The following SRPK2 variants were observed in gnomAD, a reference collection of about 807,000 sequenced individuals.
SRPK2 encodes SFRS protein kinase 2.
In SRPK2, 21 loss-of-function variants were observed where a neutral mutation model predicts 90.8. That is an observed-to-expected ratio of 0.23 (90% CI 0.16 to 0.33). The LOEUF (loss-of-function observed/expected upper bound fraction) is 0.33. SRPK2 is among the 10% of genes least tolerant of loss of function. SRPK2 has a pLI of 1.00. For synonymous variants in SRPK2, 288 were observed against 311.1 expected, an observed-to-expected ratio of 0.93 and a Z score of 0.78; for missense variants, 620 against 869.0, an observed-to-expected ratio of 0.71 and a Z score of 3.60.
At chr7:105,383,807 C>G (rs1023535960) in intron 2 of SRPK2, among the ~76,000 whole-genome samples, 2 of 152,172 alleles carry the variant, frequency 1.3e-5, no homozygotes, top group Non-Finnish European at 2.9e-5. Flanking sequence ...GAATTAAGTA[C>G]TAATACGTGC....
intron 2 of SRPK2, among the ~76,000 whole-genome samples, chr7:105,247,014 T>C (rs968251742): frequency 1.4e-4 from 21 of 152,312 alleles, no homozygotes; most frequent in Admixed American, 1.2e-3. Flanking sequence ...GGAGTGGGCC[T>C]GTGCCTCCTA....
intron 2 of SRPK2, among the ~76,000 whole-genome samples, chr7:105,378,406 G>A (rs551478063): frequency 2.0e-5 from 3 of 151,880 alleles, no homozygotes; most frequent in Non-Finnish European, 4.4e-5. Flanking sequence ...TTTTTAAAGG[G>A]TAGGGGGCAA....
chr7:105,140,418 T>A (rs748707993), intron 11 of SRPK2, among the ~76,000 whole-genome samples: 1 of 151,748 alleles, frequency 6.6e-6, no homozygotes, highest in Non-Finnish European at 1.5e-5. Flanking sequence ...CTGGCCAACA[T>A]GGTGAAGCTC....
At chr7:105,116,344 A>G (rs909138142), downstream of SRPK2, 1 of 152,440 alleles carries the variant, frequency 6.6e-6, no homozygotes, top group African/African-American at 2.4e-5. Flanking sequence ...CATTGATTCT[A>G]TCATTTATAG....
chr7:105,294,417 A>G (rs182000348), intron 2 of SRPK2, among the ~76,000 whole-genome samples: 1 of 152,352 alleles, frequency 6.6e-6, no homozygotes, highest in East Asian at 1.9e-4. Flanking sequence ...AAAAATTCAC[A>G]GTAACTGTTT....
rs186056284 is a variant in SRPK2 at position 105,271,207 on chromosome 7, A to G, written c.72-67422T>C. ...AGTTCACACTTCAGTATACGTACGT[A>G]TATCAATGCACTTAAGATGAAAAAG... On this transcript the variant is annotated intron_variant, in intron 2 of 15. Transcript: ENST00000393651. Among the ~76,000 whole-genome samples, 230 of 152,344 alleles carry G rather than the reference A, an allele frequency of 1.5e-3. 1 individual carries two copies. The highest frequency in any genetic ancestry group is 5.0e-3 in the African/African-American group (208 of 41,578).
rs138846737 is a variant in SRPK2 at position 105,341,183 on chromosome 7, G to A, written c.71+47465C>T. On this transcript the variant is annotated intron_variant, in intron 2 of 15. Transcript: ENST00000393651. ...GTTCGAGACCAGCCTGACCAACATGGTGAAACCCCATCTCTACTAAAAACA... is the reference window on the plus strand; with the variant it reads ...GTTCGAGACCAGCCTGACCAACATGATGAAACCCCATCTCTACTAAAAACA... 2.3e-3 allele frequency among the ~76,000 whole-genome samples: 345 copies of A among 151,722 alleles called. 1 individual carries two copies. Among genetic ancestry groups the A allele is most frequent in the African/African-American group, 8.0e-3 (332 of 41,338 alleles).
At chr7:105,389,012 C>A, upstream of SRPK2, 1 of 991,352 alleles carries the variant, frequency 1.0e-6, no homozygotes, top group Non-Finnish European at 1.2e-6. Flanking sequence ...CCCGCCGGCC[C>A]CGGGGGTCGG....
chr7:105,387,619 C>T (rs982288566), intron 2 of SRPK2, among the ~76,000 whole-genome samples: 2 of 151,932 alleles, frequency 1.3e-5, no homozygotes, highest in African/African-American at 4.8e-5. Context: ...CGACGTACCC[C>T]TCAAAGGAAA....
In SRPK2 at chr7:105,142,208, T is replaced by C. The variant is rs749128807; in HGVS notation, c.1343A>G (p.Glu448Gly). The C allele has an allele frequency of 3.1e-6, 5 of 1,614,092 alleles. No individual in the cohort carries two copies. In the East Asian group the frequency reaches 6.7e-5, roughly 22 times the overall value. The change falls in exon 11 of 16, where the codon GAA becomes GGA. Residue 448 changes from glutamate (E) to glycine (G), a missense_variant. Glu to Gly is a moderately conservative substitution (Grantham distance 98, BLOSUM62 -2). Transcript: ENST00000393651. ...AATTTTATGTCGTCCATTTGGCAAT[T>C]CACCATTGAATTGTTCATAGGAGCT... Reference protein sequence around the residue: ...YSSSYEQFNGELPNGRHKIPE... With the variant: ...YSSSYEQFNGGLPNGRHKIPE...
chr7:105,147,568 C>T (rs904795304), intron 7 of SRPK2, among the ~76,000 whole-genome samples: 5 of 152,118 alleles, frequency 3.3e-5, no homozygotes, highest in African/African-American at 1.2e-4. Flanking sequence ...CCACCTGTCT[C>T]GACCTCCCAA....
At chr7:105,388,144 G>A (rs909780882) in intron 2 of SRPK2, among the ~76,000 whole-genome samples, 1 of 152,164 alleles carries the variant, frequency 6.6e-6, no homozygotes, top group Non-Finnish European at 1.5e-5. Flanking sequence ...AGGCCGACAG[G>A]CGGGGGCCGG....
intron 15 of SRPK2, 26 bp downstream of exon 15, chr7:105,126,222 C>T (rs776203486): frequency 7.1e-6 from 11 of 1,547,126 alleles, no homozygotes; most frequent in East Asian, 6.7e-5. Flanking sequence ...TGCATCGTGG[C>T]GCTTTTCAAA....
At chr7:105,323,017 G>A (rs1025300668) in intron 2 of SRPK2, among the ~76,000 whole-genome samples, 1 of 152,076 alleles carries the variant, frequency 6.6e-6, no homozygotes, top group African/African-American at 2.4e-5. Flanking sequence ...TGGCCAACAT[G>A]GTGAAATCCT....
chr7:105,288,994 C>A (rs373852719), intron 2 of SRPK2, among the ~76,000 whole-genome samples: 1 of 151,638 alleles, frequency 6.6e-6, no homozygotes, highest in African/African-American at 2.4e-5. Flanking sequence ...CGGAGGCTCA[C>A]GCCTGTAATC....
chr7:105,159,473 A>AC (rs1807209517), intron 7 of SRPK2, among the ~76,000 whole-genome samples: 1 of 139,420 alleles, frequency 7.2e-6, no homozygotes, highest in Non-Finnish European at 1.6e-5. Context: ...AAAAAAAAAA[A>AC]CCGTACAAAA....
chr7:105,306,518 T>G (rs1336871530), intron 2 of SRPK2: 3 of 453,206 alleles, frequency 6.6e-6, no homozygotes, highest in African/African-American at 6.0e-5. Context: ...TGAAATCTCA[T>G]GAAGGAAAGC....
intron 2 of SRPK2, among the ~76,000 whole-genome samples, chr7:105,387,509 T>C (rs1231490126): frequency 7.3e-6 from 1 of 136,858 alleles, no homozygotes; most frequent in Admixed American, 7.3e-5. Flanking sequence ...AATGGTTTTT[T>C]CTTTTTTTTT....
At chr7:105,149,503 C>CA (rs1805272446) in intron 7 of SRPK2, among the ~76,000 whole-genome samples, 1 of 152,200 alleles carries the variant, frequency 6.6e-6, no homozygotes, top group Admixed American at 6.5e-5. Context: ...TGAGGGAACT[C>CA]AGAGACCGGT....
Sources: allele counts gnomAD v4.1 joint callset (sites outside exome capture counted in the v4.1 genomes callset), GRCh38; gene constraint gnomAD v4.1.1; transcripts MANE v1.5; gene names NCBI Gene and HGNC (gene_info 2026-07-23, HGNC 2026-07-21).